The following GSDMC variants were observed in gnomAD, a reference collection of about 807,000 sequenced individuals.
GSDMC encodes the protein gasdermin C.
Under a neutral mutation model 58.0 loss-of-function variants are expected in GSDMC, and 59 were observed. The ratio of observed to expected loss-of-function variants is 1.02; its 90% CI spans 0.82 to 1.26. GSDMC has a LOEUF of 1.26. Ranked by LOEUF, GSDMC falls within the 50% of genes most tolerant of loss-of-function variation. The pLI is 0.00. For synonymous variants in GSDMC, 241 were observed against 220.2 expected (o/e 1.09, Z -0.83); for missense variants, 659 against 598.5 (o/e 1.10, Z -1.06).
intron 5 of GSDMC, among the ~76,000 whole-genome samples, chr8:129,761,834 G>A (rs1340905052): frequency 6.6e-6 from 1 of 152,156 alleles, no homozygotes; most frequent in Non-Finnish European, 1.5e-5. Flanking sequence ...GCCTCATTCT[G>A]TCTATGGCCA....
chr8:129,734,786 T>G, the GSDMC span, among the ~76,000 whole-genome samples: 4 of 152,142 alleles, frequency 2.6e-5, no homozygotes, highest in African/African-American at 9.7e-5. Flanking sequence ...AACATCATAA[T>G]GACAGGATCA....
the GSDMC span, among the ~76,000 whole-genome samples, chr8:129,722,559 G>A: frequency 1.3e-5 from 2 of 152,118 alleles, no homozygotes; most frequent in Non-Finnish European, 1.5e-5. Flanking sequence ...AGCTACATGA[G>A]TTTTTCTCTC....
At chr8:129,755,259 T>C (rs971030082) in intron 6 of GSDMC, among the ~76,000 whole-genome samples, 1 of 152,122 alleles carries the variant, frequency 6.6e-6, no homozygotes, top group South Asian at 2.1e-4. Context: ...TTGCAATATG[T>C]CTGGCAGCAG....
At chr8:129,726,907 T>C in the GSDMC span, among the ~76,000 whole-genome samples, 1 of 152,100 alleles carries the variant, frequency 6.6e-6, no homozygotes, top group South Asian at 2.1e-4. Context: ...TCAGCTTTTA[T>C]ATAAATGACC....
At chr8:129,774,575 A>G (rs928498410) in intron 3 of GSDMC, among the ~76,000 whole-genome samples, 5 of 151,998 alleles carry the variant, frequency 3.3e-5, no homozygotes, top group Non-Finnish European at 1.5e-5. Flanking sequence ...TTACTCTAGC[A>G]AACTAAAAAG....
chr8:129,726,577 C>A, the GSDMC span, among the ~76,000 whole-genome samples: 405 of 152,264 alleles, frequency 2.7e-3, 3 homozygotes, highest in African/African-American at 9.4e-3. Context: ...AAGATGTGAT[C>A]GGATATACGA....
the GSDMC span, among the ~76,000 whole-genome samples, chr8:129,742,531 T>C: frequency 1.3e-5 from 2 of 152,172 alleles, no homozygotes; most frequent in African/African-American, 4.8e-5. Flanking sequence ...GTTTTCTCTC[T>C]GTACAACTCT....
chr8:129,729,309 T>TG, the GSDMC span: 1 of 473,434 alleles, frequency 2.1e-6, no homozygotes, highest in South Asian at 1.6e-5. Context: ...ATGAAATTTG[T>TG]TTTTTTTAAT....
At chr8:129,709,876 G>A in the GSDMC span, among the ~76,000 whole-genome samples, 5 of 152,066 alleles carry the variant, frequency 3.3e-5, no homozygotes, top group Non-Finnish European at 7.4e-5. Flanking sequence ...CCCCACTGGC[G>A]GCAGCGCTAG....
chr8:129,777,254 GC>G, intron 2 of GSDMC, 113 bp downstream of exon 2: 1 of 659,138 alleles, frequency 1.5e-6, no homozygotes, highest in Non-Finnish European at 2.7e-6. Context: ...TATAGGCAAG[GC>G]TAATCCTGAG....
chr8:129,728,720 T>C, the GSDMC span: 1 of 427,390 alleles, frequency 2.3e-6, no homozygotes, highest in Non-Finnish European at 4.4e-6. Context: ...AAGCACCATC[T>C]ACTGGCTTGT....
chr8:129,751,778 G>A, intron 9 of GSDMC, 84 bp downstream of exon 9: 1 of 1,409,482 alleles, frequency 7.1e-7, no homozygotes, highest in Non-Finnish European at 1.0e-6. Context: ...TGGTGGCAAA[G>A]GCGAGGCAGG....
intron 10 of GSDMC, 151 bp downstream of exon 10, chr8:129,751,391 A>C (rs1287141975): frequency 4.6e-6 from 3 of 651,362 alleles, no homozygotes; most frequent in Non-Finnish European, 8.1e-6. Context: ...TTGTCCAATA[A>C]GTCCTCAATA....
At chr8:129,749,649 G>T in intron 12 of GSDMC, 124 bp from the exon 13 acceptor site, 1 of 747,946 alleles carries the variant, frequency 1.3e-6, no homozygotes, top group Non-Finnish European at 2.3e-6. Flanking sequence ...CATTAGACTT[G>T]AAGGTCAAGC....
At chr8:129,757,709 C>T (rs79550857) in intron 6 of GSDMC, among the ~76,000 whole-genome samples, 3,425 of 152,184 alleles carry the variant, frequency 0.023, 122 homozygotes, top group African/African-American at 0.076. Context: ...AGGTCATTTA[C>T]AGCCAGGTGT....
chr8:129,711,816 C>T, the GSDMC span, among the ~76,000 whole-genome samples: 1 of 152,220 alleles, frequency 6.6e-6, no homozygotes, highest in Admixed American at 6.5e-5. Flanking sequence ...TAGTTAACCT[C>T]ATTTTATGAA....
At chr8:129,754,383 A>C (rs1016967121) in intron 6 of GSDMC, among the ~76,000 whole-genome samples, 3 of 152,218 alleles carry the variant, frequency 2.0e-5, no homozygotes, top group African/African-American at 4.8e-5. Context: ...ATTTTTCTGG[A>C]TCTTATGCAA....
the GSDMC span, among the ~76,000 whole-genome samples, chr8:129,715,768 C>T: frequency 1.3e-5 from 2 of 152,134 alleles, no homozygotes; most frequent in Non-Finnish European, 2.9e-5. Context: ...GAAGTGGTAA[C>T]TGCATGAGTA....
In GSDMC at chr8:129,760,375, C is replaced by A. The variant is rs530879134; in HGVS notation, c.721+170G>T. Among the ~76,000 whole-genome samples the A allele has an allele frequency of 4.1e-3, 626 of 152,178 alleles. 8 individuals are homozygous for A. Among genetic ancestry groups the A allele is most frequent in the African/African-American group, 0.014 (592 of 41,534 alleles). ...AAACTAAAAGAGTATAACTGGATTG[C>A]TTAGAACATGAAGGATAAATGTTTG... On this transcript the variant is annotated intron_variant, in intron 6 of 13. Coordinates refer to ENST00000276708, the MANE Select transcript of GSDMC (RefSeq NM_031415.3).
Sources: gnomAD v4.1 joint callset for allele counts (sites outside exome capture counted in the v4.1 genomes callset) on GRCh38, gnomAD v4.1.1 for gene constraint, MANE v1.5 for transcripts, NCBI Gene and HGNC (gene_info 2026-07-23, HGNC 2026-07-21) for gene names.